MZT2A: variants seen among roughly 807,000 people sequenced by gnomAD.
MZT2A encodes mitotic-spindle organizing protein 2A.
MZT2A carries 8 observed loss-of-function variants against 12.4 expected under a neutral mutation model. The ratio of observed to expected loss-of-function variants is 0.64; its 90% CI spans 0.38 to 1.16. The LOEUF (loss-of-function observed/expected upper bound fraction) is 1.16, where lower values mean the gene tolerates loss of function less well. MZT2A is among the 50% of genes most tolerant of loss of function. The probability of loss-of-function intolerance (pLI) is 0.01; values close to 1 mark genes in which losing one functional copy is unlikely to be tolerated. For missense variants in MZT2A, 181 were observed against 223.6 expected (o/e 0.81, Z 1.22); for synonymous variants, 88 against 107.5 (o/e 0.82, Z 1.12).
At chr2:131,488,505 T>C (rs1451217889) in intron 2 of MZT2A, among the ~76,000 whole-genome samples, 2 of 152,182 alleles carry the variant, frequency 1.3e-5, no homozygotes, top group Non-Finnish European at 2.9e-5. Context: ...CCGAGTCCTG[T>C]GGGAAACCTA....
downstream of MZT2A, among the ~76,000 whole-genome samples, chr2:131,481,252 G>T (rs1290443804): frequency 6.6e-5 from 10 of 151,718 alleles, no homozygotes; most frequent in Non-Finnish European, 1.3e-4. Context: ...CTATATATCT[G>T]TGGTGAGCTT....
intron 2 of MZT2A, among the ~76,000 whole-genome samples, chr2:131,489,193 TTTC>T (rs914089542): frequency 1.3e-5 from 2 of 150,454 alleles, no homozygotes; most frequent in Admixed American, 1.3e-4. Context: ...TTTCTTTTCC[TTTC>T]TTTTCTTTTT....
At chr2:131,484,980 T>C (rs1415731320) in intron 2 of MZT2A, among the ~76,000 whole-genome samples, 1 of 152,216 alleles carries the variant, frequency 6.6e-6, no homozygotes, top group South Asian at 2.1e-4. Flanking sequence ...GGCCAGAGCT[T>C]TATTTTAATG....
At chr2:131,492,785 G>C (rs1250853468), upstream of MZT2A, 4 of 1,354,772 alleles carry the variant, frequency 3.0e-6, no homozygotes, top group African/African-American at 1.5e-5. Context: ...GCTCTTCGGG[G>C]GGGGTGGGGG....
intron 2 of MZT2A, chr2:131,476,033 C>T: frequency 7.7e-7 from 1 of 1,300,960 alleles, no homozygotes; most frequent in Non-Finnish European, 1.1e-6. Context: ...GAACTGGGAT[C>T]CGGCCCTCAG....
At chr2:131,472,364 C>A (rs576571484) in intron 2 of MZT2A, among the ~76,000 whole-genome samples, 2 of 152,162 alleles carry the variant, frequency 1.3e-5, no homozygotes, top group Admixed American at 1.3e-4. Flanking sequence ...CTGTTTACTA[C>A]AAGTCAATTA....
At chr2:131,478,893 G>A (rs557593232) in intron 2 of MZT2A, 2 of 209,830 alleles carry the variant, frequency 9.5e-6, no homozygotes, top group South Asian at 1.2e-4. Flanking sequence ...CTGAAAGCCT[G>A]TGGGACCCAG....
At chr2:131,475,405 C>A (rs560226403) in intron 2 of MZT2A, among the ~76,000 whole-genome samples, 30 of 142,956 alleles carry the variant, frequency 2.1e-4, no homozygotes, top group African/African-American at 7.7e-4. Flanking sequence ...TCTCGGCTCA[C>A]TGCAACAACT....
chr2:131,473,157 T>G (rs907436675), intron 2 of MZT2A, among the ~76,000 whole-genome samples: 4 of 151,896 alleles, frequency 2.6e-5, no homozygotes, highest in African/African-American at 9.7e-5. Flanking sequence ...CCTCCAGAAC[T>G]GTGAGAAAAT....
At position 131,491,922 on chromosome 2, in the gene MZT2A, G is replaced by A. The variant is rs1347083321; in HGVS notation, c.273C>T (p.Asp91=). 17 of 1,533,910 alleles carry A rather than the reference G, an allele frequency of 1.1e-5. No individual in the cohort carries two copies. In the Admixed American group the frequency reaches 3.4e-4, roughly 30 times the overall value. The change falls in exon 2 of 3, where the codon GAC becomes GAT. Residue 91 remains aspartate, a synonymous_variant. Coordinates refer to ENST00000309451, the MANE Select transcript of MZT2A (RefSeq NM_001085365.2). ...ACGTGGGCAGAGACACGGCCGCAGG[G>A]TCCTGGGGCTCGCTCGCTAGCCTCT... is the stretch of plus-strand genomic sequence containing the variant. The part of the protein sequence containing the change: ...AGQRLASEPQ[D]PAAVSLPTSS...
At chr2:131,476,009 G>A in intron 2 of MZT2A, 1 of 1,055,418 alleles carries the variant, frequency 9.5e-7, no homozygotes, top group Non-Finnish European at 1.4e-6. Context: ...CACATGTTGA[G>A]CAATGGCCAA....
chr2:131,493,439 A>G (rs778135161), upstream of MZT2A, among the ~76,000 whole-genome samples: 8 of 152,188 alleles, frequency 5.3e-5, no homozygotes, highest in African/African-American at 1.4e-4. Context: ...TTGTGTTGAA[A>G]TTGAGCCTTG....
At chr2:131,487,473 C>G (rs1381537601) in intron 2 of MZT2A, among the ~76,000 whole-genome samples, 1 of 151,944 alleles carries the variant, frequency 6.6e-6, no homozygotes, top group Non-Finnish European at 1.5e-5. Flanking sequence ...GCAAGACTGT[C>G]TCAAAAATAA....
rs2272357 is a variant in MZT2A at position 131,492,027 on chromosome 2, G to A, written c.171-3C>T. The A allele has an allele frequency of 0.22, 343,549 of 1,541,266 alleles. 49,560 individuals are homozygous for A. Among genetic ancestry groups the A allele is most frequent in the East Asian group, 0.76 (31,137 of 41,036 alleles). ...GCTTCAGCAGGTCCACCAGGATCCTGGCGGGGACAGACGCGGGGCCGGTGA... is the reference window on the plus strand; with the variant it reads ...GCTTCAGCAGGTCCACCAGGATCCTAGCGGGGACAGACGCGGGGCCGGTGA... On this transcript the variant is annotated splice_region_variant and splice_polypyrimidine_tract_variant and intron_variant, in intron 1 of 2. Transcript: ENST00000309451.
chr2:131,492,298 G>T lies in MZT2A; in HGVS notation c.79C>A (p.Leu27Met). ...GLEAARQKLA[L>M]RRKKVLSTEE... is the part of the protein sequence containing the mutation. Reference sequence around the variant, plus strand: ...GTGCTCAGCACCTTCTTGCGCCGCAGCGCCAGCTTCTGCCGGGCCGCCTCC... The same window carrying T: ...GTGCTCAGCACCTTCTTGCGCCGCATCGCCAGCTTCTGCCGGGCCGCCTCC... The change falls in exon 1 of 3, where the codon CTG becomes ATG. Residue 27 changes from leucine (L) to methionine (M), a missense_variant. Physicochemically the swap from Leu to Met is conservative, Grantham distance 15 (BLOSUM62 2). Around this residue, in one of 3 missense-constraint regions of MZT2A, gnomAD observed 106 missense variants for 127.2 expected, o/e 0.83. Transcript: ENST00000309451. 6.4e-7 allele frequency: 1 copy of T among 1,550,732 alleles called. No individual in the cohort carries two copies.
rs1679369477 is a variant in MZT2A at position 131,492,396 on chromosome 2, G to A, written c.-20C>T. ...CGCCATCCGCGAGGCCCGCCGAAAG[G>A]TGCGCCCCGCCCCGCCGCGCCCCCT... On this transcript the variant is annotated 5_prime_UTR_variant, in exon 1 of 3. Transcript: ENST00000309451. 7.9e-7 allele frequency: 1 copy of A among 1,258,034 alleles called. No individual in the cohort carries two copies. Among genetic ancestry groups the A allele is most frequent in the Non-Finnish European group, 9.9e-7 (1 of 1,009,432 alleles). 77.9% of individuals were successfully genotyped at this position (1,258,034 alleles called of 1,614,324 possible).
At chr2:131,491,577 C>T (rs1261318393) in intron 2 of MZT2A, 2 of 535,052 alleles carry the variant, frequency 3.7e-6, no homozygotes, top group Admixed American at 3.4e-5. Context: ...GTCTTGATTC[C>T]CGACTTTGTA....
chr2:131,480,470 A>C (rs74625243), downstream of MZT2A: 32,069 of 1,536,528 alleles, frequency 0.021, 5,402 homozygotes, highest in African/African-American at 0.14. Context: ...AGACCAACCT[A>C]GTGCCGTACC....
chr2:131,475,901 A>G (rs1021718343), intron 2 of MZT2A, among the ~76,000 whole-genome samples: 6 of 152,252 alleles, frequency 3.9e-5, no homozygotes, highest in African/African-American at 9.6e-5. Flanking sequence ...AACCCTGGTC[A>G]GAAGACACCC....
Sources: gnomAD v4.1 joint callset for allele counts (sites outside exome capture counted in the v4.1 genomes callset) on GRCh38, gnomAD v4.1.1 for gene constraint, gnomAD v4.1.1 regional missense constraint, MANE v1.5 for transcripts, NCBI Gene and HGNC (gene_info 2026-07-23, HGNC 2026-07-21) for gene names.